The following TLN2 variants were observed in gnomAD, a reference collection of about 807,000 sequenced individuals.
TLN2 encodes talin 2, also known as talin-2.
TLN2 carries 118 observed loss-of-function variants against 294.7 expected under a neutral mutation model. The observed-to-expected ratio is 0.40, with a 90% CI of 0.34 to 0.47. The LOEUF (loss-of-function observed/expected upper bound fraction) is 0.47. TLN2 is among the 20% of genes least tolerant of loss of function. The pLI is 0.84. For synonymous variants in TLN2, 1,431 were observed against 1,304.5 expected (o/e 1.10, Z -2.09); for missense variants, 3,083 against 3,282.2 (o/e 0.94, Z 1.48).
At chr15:62,406,104 G>A (rs1035111275) in intron 1 of TLN2, among the ~76,000 whole-genome samples, 18 of 152,128 alleles carry the variant, frequency 1.2e-4, no homozygotes, top group Non-Finnish European at 1.0e-4. Flanking sequence ...GGAAGCTGAC[G>A]GATTGTATTA....
At chr15:62,674,532 G>C (rs763530765) in intron 10 of TLN2, among the ~76,000 whole-genome samples, 1 of 141,664 alleles carries the variant, frequency 7.1e-6, no homozygotes, top group Admixed American at 7.4e-5. Flanking sequence ...TTTTGAGACA[G>C]AGCCAAGACG....
chr15:62,755,653 A>T lies in TLN2; in HGVS notation c.4598A>T (p.Glu1533Val). ...AKRHFVQSAK[E>V]VANSTANLVK... ...AGGCACTTCGTCCAGTCAGCCAAGG[A>T]AGTCGCCAACAGCACTGCCAACCTG... Residue 1533 changes from glutamate (E) to valine (V), a missense_variant, in exon 37 of 59, where the codon GAA becomes GTA. Transcript: ENST00000636159. 6.2e-7 allele frequency: 1 copy of T among 1,614,238 alleles called. No homozygotes were observed. The highest frequency in any genetic ancestry group is 8.5e-7 in the Non-Finnish European group (1 of 1,180,040).
rs775421008 is a variant in TLN2 at position 62,702,016 on chromosome 15, C to G, written c.1721C>G (p.Thr574Arg). Residue 574 changes from threonine to arginine, a missense_variant, in exon 18 of 59, where the codon ACA becomes AGA. Coordinates refer to ENST00000636159, the MANE Select transcript of TLN2 (RefSeq NM_015059.3). ...GGTGACCCTGCAGACACTGACTACA[C>G]AGCTGTGGGATGTGCGATCACCACT... is the stretch of plus-strand genomic sequence containing the variant. ...TAGDPADTDY[T>R]AVGCAITTIS... The G allele has an allele frequency of 4.3e-6, 7 of 1,614,082 alleles. No homozygotes were observed. The highest frequency in any genetic ancestry group is 5.9e-6 in the Non-Finnish European group (7 of 1,180,048).
At chr15:62,746,575 G>A (rs891026663) in intron 32 of TLN2, among the ~76,000 whole-genome samples, 10 of 152,122 alleles carry the variant, frequency 6.6e-5, no homozygotes, top group African/African-American at 2.4e-5. Flanking sequence ...TAATTAAGCC[G>A]ATTGCTTTTG....
chr15:62,483,482 T>G (rs1379965595), intron 1 of TLN2, among the ~76,000 whole-genome samples: 7 of 152,220 alleles, frequency 4.6e-5, no homozygotes, highest in Admixed American at 6.5e-5. Context: ...AATGATGTTC[T>G]CTATCTCTGG....
At chr15:62,434,004 A>G (rs1007884950) in intron 1 of TLN2, among the ~76,000 whole-genome samples, 7 of 151,682 alleles carry the variant, frequency 4.6e-5, no homozygotes, top group African/African-American at 1.2e-4. Context: ...CCCCGCCCAA[A>G]AAAAAGATTG....
At chr15:62,392,109 T>G (rs1449996748) in intron 1 of TLN2, among the ~76,000 whole-genome samples, 1 of 152,238 alleles carries the variant, frequency 6.6e-6, no homozygotes, top group African/African-American at 2.4e-5. Flanking sequence ...GCGACAGCAG[T>G]AGCGCCCGCG....
chr15:62,646,049 C>G (rs745323386), intron 3 of TLN2, among the ~76,000 whole-genome samples: 11 of 152,112 alleles, frequency 7.2e-5, no homozygotes, highest in Non-Finnish European at 1.3e-4. Context: ...GCCACCAACT[C>G]AAAGGAAAAA....
At chr15:62,694,807 C>CT (rs2058207928) in intron 14 of TLN2, among the ~76,000 whole-genome samples, 2 of 152,174 alleles carry the variant, frequency 1.3e-5, no homozygotes, top group African/African-American at 4.8e-5. Flanking sequence ...CGGTGAAGCA[C>CT]TGCTGCATGC....
intron 52 of TLN2, among the ~76,000 whole-genome samples, chr15:62,815,209 A>T (rs1244923694): frequency 2.0e-5 from 3 of 150,996 alleles, no homozygotes; most frequent in Non-Finnish European, 3.0e-5. Flanking sequence ...ACACACACAC[A>T]CACACACACA....
At chr15:62,457,941 A>T (rs1435002993) in intron 1 of TLN2, among the ~76,000 whole-genome samples, 2 of 152,268 alleles carry the variant, frequency 1.3e-5, no homozygotes, top group East Asian at 3.9e-4. Flanking sequence ...ATAATTAGCC[A>T]TGTTTTGGAA....
chr15:62,489,673 G>T (rs539750099), intron 1 of TLN2, among the ~76,000 whole-genome samples: 1 of 152,290 alleles, frequency 6.6e-6, no homozygotes, highest in East Asian at 1.9e-4. Context: ...GTGAATCACA[G>T]TGTATAGAAT....
chr15:62,741,748 C>CGCGCGCGTGCGTGTGTGTGTGT, intron 32 of TLN2, among the ~76,000 whole-genome samples: 1 of 131,072 alleles, frequency 7.6e-6, no homozygotes, highest in African/African-American at 2.9e-5. Context: ...AAAATTTGCG[C>CGCGCGCGTGCGTGTGTGTGTGT]GTGTGTGTGT....
Position 62,752,725 on chromosome 15 carries a change from G to A in TLN2, c.4332+298G>A, listed in dbSNP as rs575908754. ...TTTTATTATAGATGAGTTGTTTGGG[G>A]TAGAAAAATAAGCACTAAATAATTT... On this transcript the variant is annotated intron_variant, in intron 35 of 58. Coordinates refer to ENST00000636159, the MANE Select transcript of TLN2 (RefSeq NM_015059.3). Among the ~76,000 whole-genome samples, 4 of 152,260 alleles carry A rather than the reference G, an allele frequency of 2.6e-5. No homozygotes were observed. The South Asian group carries it at 8.3e-4, about 32-fold the overall frequency.
At chr15:62,667,701 T>A (rs1385765369) in intron 9 of TLN2, among the ~76,000 whole-genome samples, 1 of 152,228 alleles carries the variant, frequency 6.6e-6, no homozygotes, top group East Asian at 1.9e-4. Flanking sequence ...TAAGAGGCAG[T>A]TCACATTTCT....
intron 58 of TLN2, among the ~76,000 whole-genome samples, chr15:62,840,230 A>G (rs1032895070): frequency 6.6e-6 from 1 of 152,186 alleles, no homozygotes; most frequent in African/African-American, 2.4e-5. Context: ...AGCCTGGTAC[A>G]TAGTAAGGCT....
intron 1 of TLN2, among the ~76,000 whole-genome samples, chr15:62,491,489 G>T (rs1045952986): frequency 6.6e-6 from 1 of 151,906 alleles, no homozygotes; most frequent in Admixed American, 6.6e-5. Flanking sequence ...AGAGACAAAT[G>T]GTTGCATTAT....
intron 1 of TLN2, among the ~76,000 whole-genome samples, chr15:62,564,169 G>T (rs1231083895): frequency 2.6e-5 from 4 of 152,188 alleles, no homozygotes; most frequent in African/African-American, 9.7e-5. Context: ...ACACATGAGG[G>T]AATGGAGACT....
Position 62,690,458 on chromosome 15 carries a change from C to G in TLN2, c.1114-2382C>G, listed in dbSNP as rs530614110. On this transcript the variant is annotated intron_variant, in intron 12 of 58. Coordinates refer to ENST00000636159, the MANE Select transcript of TLN2 (RefSeq NM_015059.3). ...CTCACTTCCTAGATGTGATGGCGGC[C>G]GGCCGGGAAGAGGCGCTCCTCACTT... 414 of 136,362 alleles carry G rather than the reference C, an allele frequency of 3.0e-3. 6 individuals are homozygous for G. The highest frequency in any genetic ancestry group is 0.014 in the African/African-American group (383 of 28,174). The allele number at this position is 136,362 out of a possible 1,614,324, so 8.4% of individuals were successfully genotyped here. A position where few individuals can be genotyped will look rare whatever the true frequency, so the allele number is the denominator to read the frequency against.
Sources: gnomAD v4.1 joint callset for allele counts (sites outside exome capture counted in the v4.1 genomes callset) on GRCh38, gnomAD v4.1.1 for gene constraint, MANE v1.5 for transcripts, NCBI Gene and HGNC (gene_info 2026-07-23, HGNC 2026-07-21) for gene names.